ATP1A2: variants seen among roughly 807,000 people sequenced by gnomAD.
ATP1A2 encodes the protein sodium/potassium-transporting ATPase subunit alpha-2.
Under a neutral mutation model 113.1 loss-of-function variants are expected in ATP1A2, and 56 were observed. The ratio of observed to expected loss-of-function variants is 0.49; its 90% CI spans 0.40 to 0.62. The LOEUF (loss-of-function observed/expected upper bound fraction) is 0.62, where lower values mean the gene tolerates loss of function less well. Ranked by LOEUF, ATP1A2 falls within the 20% of genes least tolerant of loss-of-function variation. ATP1A2 has a pLI of 0.00. For missense variants in ATP1A2, 712 were observed against 1,357.8 expected (o/e 0.52, Z 7.47); for synonymous variants, 490 against 526.8 (o/e 0.93, Z 0.96).
intron 13 of ATP1A2, among the ~76,000 whole-genome samples, chr1:160,132,925 C>A (rs1192248392): frequency 1.3e-5 from 2 of 152,036 alleles, no homozygotes; most frequent in African/African-American, 4.8e-5. Flanking sequence ...CAAGAGGAAC[C>A]AGTGAGGAGG....
intron 7 of ATP1A2, among the ~76,000 whole-genome samples, chr1:160,126,531 G>A (rs574493280): frequency 6.6e-6 from 1 of 152,216 alleles, no homozygotes; most frequent in Non-Finnish European, 1.5e-5. Flanking sequence ...GTGCAGTGGT[G>A]CAATCACAGC....
At chr1:160,118,338 T>C (rs1180735728) in intron 1 of ATP1A2, among the ~76,000 whole-genome samples, 1 of 152,194 alleles carries the variant, frequency 6.6e-6, no homozygotes, top group Non-Finnish European at 1.5e-5. Flanking sequence ...CTGGGCCCCC[T>C]TCTGTCCCTG....
intron 1 of ATP1A2, among the ~76,000 whole-genome samples, chr1:160,119,291 C>T (rs1248708467): frequency 5.0e-4 from 25 of 49,758 alleles, no homozygotes; most frequent in African/African-American, 1.8e-3. Flanking sequence ...AAAGCAAACA[C>T]CTTGGCTGTG....
chr1:160,139,359 C>T (rs1570997575), intron 20 of ATP1A2, among the ~76,000 whole-genome samples: 1 of 152,098 alleles, frequency 6.6e-6, no homozygotes, highest in Non-Finnish European at 1.5e-5. Flanking sequence ...TGTTGACCAC[C>T]GTGTCTCCAG....
intron 8 of ATP1A2, among the ~76,000 whole-genome samples, chr1:160,128,121 C>T (rs1175181174): frequency 6.6e-6 from 1 of 152,184 alleles, no homozygotes; most frequent in Non-Finnish European, 1.5e-5. Flanking sequence ...TCTCAAAGGT[C>T]ACCAGTCACT....
chr1:160,127,870 T>C, intron 8 of ATP1A2, 50 bp downstream of exon 8: 1 of 1,538,306 alleles, frequency 6.5e-7, no homozygotes, highest in Non-Finnish European at 8.7e-7. Flanking sequence ...CACTACTCTT[T>C]CCTCAGAGTG....
In ATP1A2 at chr1:160,127,616, C is replaced by T. The variant is rs747740289; in HGVS notation, c.813C>T (p.Leu271=). 77 of 1,614,126 alleles carry T rather than the reference C, an allele frequency of 4.8e-5. No homozygotes were observed. Among genetic ancestry groups the T allele is most frequent in the Non-Finnish European group, 6.2e-5 (73 of 1,180,060 alleles). The change falls in exon 8 of 23, where the codon CTC becomes CTT. Residue 271 remains leucine (L), a synonymous_variant. Coordinates refer to ENST00000361216, the MANE Select transcript of ATP1A2 (RefSeq NM_000702.4). ...DRTVMGRIAT[L]ASGLEVGRTP... is the part of the protein sequence containing the mutation. ...CGGTGATGGGCCGCATAGCTACTCT[C>T]GCCTCAGGCCTGGAGGTTGGGCGGA...
chr1:160,124,514 G>T (rs377339906), intron 6 of ATP1A2, 84 bp downstream of exon 6: 3 of 1,546,990 alleles, frequency 1.9e-6, no homozygotes, highest in East Asian at 2.4e-5. Flanking sequence ...GAGGTTTAAA[G>T]GTGGAGAGAC....
chr1:160,118,862 T>C (rs969435628), intron 1 of ATP1A2, among the ~76,000 whole-genome samples: 7 of 151,984 alleles, frequency 4.6e-5, no homozygotes, highest in African/African-American at 1.7e-4. Context: ...CTGCCATACT[T>C]CTGGGATTGC....
Position 160,124,377 on chromosome 1 carries a change from G to A in ATP1A2, c.577G>A (p.Gly193Ser), listed in dbSNP as rs1466546778. Residue 193 changes from glycine to serine, a missense_variant, in exon 6 of 23, where the codon GGT (glycine) becomes AGT (serine). Physicochemically the swap from Gly to Ser is moderately conservative, Grantham distance 56. Around this residue, in one of 6 missense-constraint regions of ATP1A2, gnomAD observed 99 missense variants for 180.4 expected, o/e 0.55. Transcript: ENST00000361216. ...GGTGGGAGACCTGGTGGAGGTGAAG[G>A]GTGGAGACCGCGTCCCTGCTGACCT... ...VVVGDLVEVK[G>S]GDRVPADLRI... 1.9e-6 allele frequency: 3 copies of A among 1,612,876 alleles called. No individual in the cohort carries two copies. The highest frequency in any genetic ancestry group is 1.7e-6 in the Non-Finnish European group (2 of 1,179,632).
At chr1:160,124,184 C>G (rs1233786138) in intron 5 of ATP1A2, 112 bp from the exon 6 acceptor site, 1 of 1,551,380 alleles carries the variant, frequency 6.4e-7, no homozygotes. Context: ...TCCATGCCAG[C>G]ACCTAATTGT....
At chr1:160,124,467 A>G (rs1338695501) in intron 6 of ATP1A2, 37 bp downstream of exon 6, 1 of 1,581,654 alleles carries the variant, frequency 6.3e-7, no homozygotes, top group Middle Eastern at 2.0e-4. Context: ...GTTGAGTCTA[A>G]GGAGAAGGCT....
At position 160,136,360 on chromosome 1, in the gene ATP1A2, C is replaced by T. The variant is rs771208383; in HGVS notation, c.2553C>T (p.Tyr851=). 1.4e-5 allele frequency: 23 copies of T among 1,613,952 alleles called. No individual in the cohort carries two copies. The highest frequency in any genetic ancestry group is 1.7e-5 in the Non-Finnish European group (20 of 1,180,036). The part of the protein sequence containing the change: ...LVNERLISMA[Y]GQIGMIQALG... ...ATGAGAGGCTCATCAGCATGGCCTACGGACAGATCGGTGCGCCAAGCCCCG... is the reference window on the plus strand; with the variant it reads ...ATGAGAGGCTCATCAGCATGGCCTATGGACAGATCGGTGCGCCAAGCCCCG... Residue 851 remains tyrosine (Y), a synonymous_variant, in exon 18 of 23, where the codon TAC becomes TAT. Transcript: ENST00000361216.
At chr1:160,127,913 CT>C in intron 8 of ATP1A2, 93 bp downstream of exon 8, 4 of 1,483,028 alleles carry the variant, frequency 2.7e-6, no homozygotes, top group Non-Finnish European at 1.8e-6. Flanking sequence ...CTTCTCACTA[CT>C]TTTTCCCCCT....
rs386368465 is a variant in ATP1A2 at position 160,119,256 on chromosome 1, CAAAAAAAAAAA to C, written c.13-1633_13-1623del. Among the ~76,000 whole-genome samples the C allele has an allele frequency of 1.0e-3, 50 of 49,432 alleles. 1 individual carries two copies. The highest frequency in any genetic ancestry group is 9.3e-3 in the East Asian group (12 of 1,286). 32.4% of individuals were successfully genotyped at this position (49,432 alleles called of 152,430 possible). ...AAACCCCCAAAACTGCATTATCCTG[CAAAAAAAAAAA>C]AAAAAAAAAAAAAAAAGCAAACACC... On this transcript the variant is annotated intron_variant, in intron 1 of 22. Transcript: ENST00000361216.
chr1:160,133,354 A>G (rs1651826397), intron 13 of ATP1A2, among the ~76,000 whole-genome samples: 1 of 152,034 alleles, frequency 6.6e-6, no homozygotes, highest in African/African-American at 2.4e-5. Context: ...GGAGTGGAAG[A>G]TAAGGCAGTG....
intron 13 of ATP1A2, among the ~76,000 whole-genome samples, chr1:160,132,003 C>T (rs982222907): frequency 1.2e-4 from 18 of 152,120 alleles, no homozygotes; most frequent in Middle Eastern, 3.2e-3. Context: ...AGAACCATCA[C>T]GGAGGCCTGG....
At chr1:160,130,749 A>T in intron 13 of ATP1A2, 152 bp downstream of exon 13, 1 of 1,132,640 alleles carries the variant, frequency 8.8e-7, no homozygotes, top group Admixed American at 2.4e-5. Flanking sequence ...GGAAAGGCCC[A>T]CCCCTGCCTT....
At chr1:160,125,729 G>C (rs1380856126) in intron 7 of ATP1A2, among the ~76,000 whole-genome samples, 1 of 152,218 alleles carries the variant, frequency 6.6e-6, no homozygotes, top group African/African-American at 2.4e-5. Context: ...GTGAACACTT[G>C]GGGCCTACTT....
Sources: gnomAD v4.1 joint callset for allele counts (sites outside exome capture counted in the v4.1 genomes callset) on GRCh38, gnomAD v4.1.1 for gene constraint, gnomAD v4.1.1 regional missense constraint, MANE v1.5 for transcripts, NCBI Gene and HGNC (gene_info 2026-07-23, HGNC 2026-07-21) for gene names.